Variants in CLEC4C observed in about 807,000 individuals in gnomAD.
The protein encoded by CLEC4C is C-type (calcium dependent, carbohydrate-recognition domain) lectin, superfamily member 11.
A neutral mutation model predicts 27.7 loss-of-function variants in CLEC4C; 17 were observed. That is an observed-to-expected ratio of 0.61 (90% CI 0.42 to 0.92). CLEC4C has a LOEUF of 0.92. Among genes scored for constraint, CLEC4C ranks in the 40% least tolerant of loss-of-function variants. CLEC4C has a pLI of 0.00. For synonymous variants in CLEC4C, 80 were observed against 80.8 expected (o/e 0.99, Z 0.06); for missense variants, 244 against 257.3 (o/e 0.95, Z 0.35).
At position 7,729,709 on chromosome 12, in the gene CLEC4C, C is replaced by A; in HGVS notation, c.529G>T (p.Asp177Tyr). The A allele has an allele frequency of 6.2e-7, 1 of 1,613,912 alleles. No individual in the cohort carries two copies. The highest frequency in any genetic ancestry group is 1.7e-4 in the Middle Eastern group (1 of 6,060). ...AAATTTATTATCGCACAACGCTCAT[C>A]AAGGTTATTGGGTTCACCTGAGTGC... ...FWHSGEPNNL[D>Y]ERCAIINFRS... Residue 177 changes from aspartate (D) to tyrosine (Y), a missense_variant, in exon 6 of 6, where the codon GAT becomes TAT. Transcript: ENST00000360345.
chr12:7,748,745 G>A (rs1210274094), upstream of CLEC4C, among the ~76,000 whole-genome samples: 2 of 152,064 alleles, frequency 1.3e-5, no homozygotes, highest in African/African-American at 2.4e-5. Flanking sequence ...TAGAGTATGA[G>A]GGTATTCCTT....
chr12:7,747,523 G>A (rs1592101697), upstream of CLEC4C: 2 of 530,320 alleles, frequency 3.8e-6, no homozygotes, highest in East Asian at 5.6e-5. Flanking sequence ...ACTCTGCAGT[G>A]AGCTAAAGCT....
At chr12:7,737,288 GTGTTTTT>G (rs1239423335) in intron 4 of CLEC4C, 134 bp downstream of exon 4, 10 of 669,850 alleles carry the variant, frequency 1.5e-5, no homozygotes, top group South Asian at 6.5e-5. Context: ...AGATTTTCCT[GTGTTTTT>G]TGTTTTTTGG....
intron 2 of CLEC4C, among the ~76,000 whole-genome samples, chr12:7,746,125 G>A (rs1046797421): frequency 2.4e-4 from 35 of 148,492 alleles, no homozygotes; most frequent in Non-Finnish European, 4.9e-4. Flanking sequence ...TGAGGCAGGC[G>A]AATGGCATGA....
rs1305077262 is a variant in CLEC4C at position 7,741,449 on chromosome 12, G to C, written c.207C>G (p.Thr69=). Residue 69 remains threonine, a synonymous_variant, in exon 3 of 6, where the codon ACC becomes ACG. Coordinates refer to ENST00000360345, the MANE Select transcript of CLEC4C (RefSeq NM_001371390.1). ...REYQQYHPSL[T]CVMEGKDIED... is the part of the protein sequence containing the mutation. Reference sequence around the variant, plus strand: ...CTATGTCCTTTCCTTCCATGACGCAGGTCAGGCTTGGATGATACTGTTGAT... The same window carrying C: ...CTATGTCCTTTCCTTCCATGACGCACGTCAGGCTTGGATGATACTGTTGAT... The C allele has an allele frequency of 1.9e-6, 3 of 1,608,268 alleles. No homozygotes were observed. The highest frequency in any genetic ancestry group is 3.3e-5 in the Admixed American group (2 of 60,012).
intron 4 of CLEC4C, among the ~76,000 whole-genome samples, chr12:7,732,332 A>AG (rs1864614406): frequency 6.6e-6 from 1 of 150,532 alleles, no homozygotes; most frequent in African/African-American, 2.4e-5. Context: ...GTCCAGCCAC[A>AG]GGTCACTTTA....
Position 7,731,943 on chromosome 12 carries a change from G to C in CLEC4C, c.382-1031C>G, listed in dbSNP as rs767788168. On this transcript the variant is annotated intron_variant, in intron 4 of 5. Transcript: ENST00000360345. ...CACTCTAGCATGGGTGACAGAATGA[G>C]ACTCTGTGTCCAAAAAATGCAAACC... Among the ~76,000 whole-genome samples the C allele has an allele frequency of 9.4e-4, 143 of 152,300 alleles. 1 individual carries two copies. The highest frequency in any genetic ancestry group is 9.4e-3 in the Admixed American group (143 of 15,278).
intron 3 of CLEC4C, 70 bp from the exon 4 acceptor site, chr12:7,737,644 A>G: frequency 1.4e-6 from 2 of 1,460,722 alleles, no homozygotes; most frequent in Non-Finnish European, 1.9e-6. Flanking sequence ...TTATAAGCTT[A>G]GCTTGCTAAG....
At chr12:7,742,461 A>C (rs1422092768) in intron 2 of CLEC4C, among the ~76,000 whole-genome samples, 1 of 150,742 alleles carries the variant, frequency 6.6e-6, no homozygotes, top group East Asian at 2.0e-4. Flanking sequence ...CAGTGAGCAG[A>C]GACCGTGCCA....
chr12:7,739,704 G>A (rs999800076), intron 3 of CLEC4C, among the ~76,000 whole-genome samples: 1 of 151,848 alleles, frequency 6.6e-6, no homozygotes, highest in African/African-American at 2.4e-5. Flanking sequence ...TTTTTAGACA[G>A]GGTCTCACTT....
intron 2 of CLEC4C, among the ~76,000 whole-genome samples, chr12:7,744,067 C>T (rs772226049): frequency 6.6e-6 from 1 of 152,148 alleles, no homozygotes; most frequent in Non-Finnish European, 1.5e-5. Flanking sequence ...CTTATTCCTT[C>T]GAGGAGGGTG....
At chr12:7,739,745 T>C (rs918811290) in intron 3 of CLEC4C, among the ~76,000 whole-genome samples, 2 of 152,134 alleles carry the variant, frequency 1.3e-5, no homozygotes, top group African/African-American at 4.8e-5. Context: ...AGCAGTGTAA[T>C]TGCTGCTTAC....
At chr12:7,741,721 C>G (rs1338643658) in intron 2 of CLEC4C, among the ~76,000 whole-genome samples, 190 bp from the exon 3 acceptor site, 1 of 151,948 alleles carries the variant, frequency 6.6e-6, no homozygotes, top group Admixed American at 6.6e-5. Flanking sequence ...AACCCCGTCT[C>G]CACCAAAAAT....
intron 2 of CLEC4C, among the ~76,000 whole-genome samples, chr12:7,743,630 C>T (rs750848971): frequency 1.1e-4 from 16 of 152,006 alleles, no homozygotes; most frequent in Admixed American, 1.3e-4. Context: ...CCGTCCGCCT[C>T]GGCCTCCCAA....
chr12:7,735,861 A>G (rs982907207), intron 4 of CLEC4C, among the ~76,000 whole-genome samples: 2 of 152,212 alleles, frequency 1.3e-5, no homozygotes, highest in African/African-American at 4.8e-5. Context: ...TAAGTGTTGA[A>G]CATTATAAAG....
chr12:7,736,313 A>C (rs1864725295), intron 4 of CLEC4C, among the ~76,000 whole-genome samples: 1 of 152,094 alleles, frequency 6.6e-6, no homozygotes, highest in Non-Finnish European at 1.5e-5. Flanking sequence ...TCAAAAACAA[A>C]AAGAAGATTA....
At chr12:7,749,210 A>C (rs1865049423), upstream of CLEC4C, 1 of 152,312 alleles carries the variant, frequency 6.6e-6, no homozygotes, top group Non-Finnish European at 1.5e-5. Flanking sequence ...CTGTAACAAG[A>C]GGGTGAGGTG....
chr12:7,747,611 C>A, upstream of CLEC4C: 2 of 279,138 alleles, frequency 7.2e-6, no homozygotes, highest in Non-Finnish European at 1.3e-5. Flanking sequence ...AAAAACAGTT[C>A]ATGGTTGCAG....
chr12:7,746,509 TAA>T, intron 1 of CLEC4C, 86 bp from the exon 2 acceptor site: 2 of 797,730 alleles, frequency 2.5e-6, no homozygotes, highest in Non-Finnish European at 4.2e-6. Context: ...CTTAGAATAA[TAA>T]AGTCAGGCTA....
Sources: gnomAD v4.1 joint callset for allele counts (sites outside exome capture counted in the v4.1 genomes callset) on GRCh38, gnomAD v4.1.1 for gene constraint, MANE v1.5 for transcripts, NCBI Gene and HGNC (gene_info 2026-07-23, HGNC 2026-07-21) for gene names.